GADL1: variants seen among roughly 807,000 people sequenced by gnomAD.
GADL1 encodes acidic amino acid decarboxylase GADL1.
GADL1 carries 71 observed loss-of-function variants against 69.5 expected under a neutral mutation model. That is an observed-to-expected ratio of 1.02 (90% confidence interval 0.84 to 1.25). The LOEUF is 1.25. GADL1 is among the 50% of genes most tolerant of loss of function. The probability of loss-of-function intolerance (pLI) is 0.00; values close to 1 mark genes in which losing one functional copy is unlikely to be tolerated. For synonymous variants in GADL1, 254 were observed against 214.4 expected (o/e 1.18, Z -1.62); for missense variants, 737 against 631.8 (o/e 1.17, Z -1.79).
Position 30,856,153 on chromosome 3 carries a change from T to C in GADL1, c.337+862A>G, listed in dbSNP as rs530548655. Among the ~76,000 whole-genome samples, 23 of 152,192 alleles carry C rather than the reference T, an allele frequency of 1.5e-4. No individual in the cohort carries two copies. The South Asian group carries it at 4.8e-3, about 31-fold the overall frequency. ...AGTTTTTGATACATACACCAGACTT[T>C]CCCAAAGGAATATAATCCAATTATT... On this transcript the variant is annotated intron_variant, in intron 3 of 14. Coordinates refer to ENST00000282538, the MANE Select transcript of GADL1 (RefSeq NM_207359.3).
At position 30,843,154 on chromosome 3, in the gene GADL1, C is replaced by G. The variant is rs552996641; in HGVS notation, c.786+1056G>C. ...TATTGGAAGGTTATTGGAGAACGGT[C>G]TGAAGCTCCATCAGCAGGCAGCGGT... is the stretch of plus-strand genomic sequence containing the variant. On this transcript the variant is annotated intron_variant, in intron 8 of 14. Coordinates refer to ENST00000282538, the MANE Select transcript of GADL1 (RefSeq NM_207359.3). Among the ~76,000 whole-genome samples, 670 of 152,114 alleles carry G rather than the reference C, an allele frequency of 4.4e-3. 5 individuals are homozygous for G. Among genetic ancestry groups the G allele is most frequent in the South Asian group, 0.015 (72 of 4,814 alleles).
At chr3:30,756,485 G>A (rs1396661806) in intron 14 of GADL1, among the ~76,000 whole-genome samples, 1 of 152,172 alleles carries the variant, frequency 6.6e-6, no homozygotes, top group Non-Finnish European at 1.5e-5. Context: ...TGCCTTTGAA[G>A]TTCCTACTAT....
At chr3:30,774,648 AT>A (rs545909762) in intron 14 of GADL1, among the ~76,000 whole-genome samples, 1 of 151,986 alleles carries the variant, frequency 6.6e-6, no homozygotes, top group East Asian at 1.9e-4. Flanking sequence ...AACTTTTCTT[AT>A]AAACTTTCTC....
At chr3:30,824,860 T>C (rs1345266165) in intron 11 of GADL1, among the ~76,000 whole-genome samples, 1 of 151,926 alleles carries the variant, frequency 6.6e-6, no homozygotes, top group Admixed American at 6.6e-5. Context: ...TGTGTGAGAA[T>C]GACCTGTTCA....
chr3:30,781,041 G>A (rs985865799), intron 13 of GADL1, among the ~76,000 whole-genome samples: 18 of 152,124 alleles, frequency 1.2e-4, no homozygotes, highest in African/African-American at 4.3e-4. Flanking sequence ...ATATGTGAAA[G>A]TCTGACTTCT....
intron 11 of GADL1, among the ~76,000 whole-genome samples, chr3:30,823,132 G>A (rs770256581): frequency 4.6e-5 from 7 of 151,904 alleles, no homozygotes; most frequent in Non-Finnish European, 1.0e-4. Flanking sequence ...CACAAGACAG[G>A]GATATAAACT....
At chr3:30,848,827 AAACTCACTAATCAGC>A (rs1183073999) in intron 6 of GADL1, among the ~76,000 whole-genome samples, 1 of 152,186 alleles carries the variant, frequency 6.6e-6, no homozygotes, top group East Asian at 1.9e-4. Flanking sequence ...ACATTTGCCA[AAACTCACTAATCAGC>A]AACTACTGCG....
chr3:30,781,514 G>A (rs1043671605), intron 13 of GADL1, among the ~76,000 whole-genome samples: 1 of 152,164 alleles, frequency 6.6e-6, no homozygotes, highest in Non-Finnish European at 1.5e-5. Context: ...CAAATATAGA[G>A]TGAAGGAAAA....
In GADL1 at chr3:30,869,120, C is replaced by T. The variant is rs535505782; in HGVS notation, c.38-7355G>A. On this transcript the variant is annotated intron_variant, in intron 1 of 14. Coordinates refer to ENST00000282538, the MANE Select transcript of GADL1 (RefSeq NM_207359.3). ...CTCAAGTTGTTAAAAGTCTAGAAAG[C>T]GAATATTTAAGAAACCAGGGCAAAG... Among the ~76,000 whole-genome samples, 21 of 151,514 alleles carry T rather than the reference C, an allele frequency of 1.4e-4. No homozygotes were observed. The South Asian group carries it at 4.0e-3, about 29-fold the overall frequency.
intron 1 of GADL1, among the ~76,000 whole-genome samples, chr3:30,868,329 A>G (rs544252451): frequency 3.4e-4 from 51 of 152,188 alleles, no homozygotes; most frequent in Admixed American, 1.2e-3. Flanking sequence ...GGCATCTCAC[A>G]AAATTCCAGG....
intron 1 of GADL1, among the ~76,000 whole-genome samples, chr3:30,888,315 G>C (rs924165032): frequency 2.6e-5 from 4 of 152,046 alleles, no homozygotes; most frequent in Non-Finnish European, 5.9e-5. Context: ...TCCTCATCTG[G>C]GTGGTGGTTA....
At chr3:30,884,682 A>G (rs1698681152) in intron 1 of GADL1, among the ~76,000 whole-genome samples, 1 of 152,050 alleles carries the variant, frequency 6.6e-6, no homozygotes, top group African/African-American at 2.4e-5. Flanking sequence ...TCCCTTCCTC[A>G]TTATACATTG....
chr3:30,824,256 CACA>C (rs377679893), intron 11 of GADL1, among the ~76,000 whole-genome samples: 27 of 150,474 alleles, frequency 1.8e-4, no homozygotes, highest in African/African-American at 6.1e-4. Flanking sequence ...GATATTTTAA[CACA>C]ACAACAAAAG....
intron 14 of GADL1, among the ~76,000 whole-genome samples, chr3:30,765,366 A>T (rs1696244818): frequency 6.6e-6 from 1 of 152,248 alleles, no homozygotes; most frequent in Non-Finnish European, 1.5e-5. Context: ...AGGTGGGATA[A>T]TGGACAAAGA....
chr3:30,880,573 T>A (rs538280664), intron 1 of GADL1, among the ~76,000 whole-genome samples: 2 of 152,098 alleles, frequency 1.3e-5, no homozygotes, highest in South Asian at 4.1e-4. Context: ...CCCAGCCATG[T>A]GGAATTGTGA....
At chr3:30,853,211 G>C (rs1012760568) in intron 4 of GADL1, among the ~76,000 whole-genome samples, 2 of 152,060 alleles carry the variant, frequency 1.3e-5, no homozygotes, top group Non-Finnish European at 2.9e-5. Context: ...CTGTCCCCTA[G>C]GCAGTGGTTC....
At position 30,754,632 on chromosome 3, in the gene GADL1, C is replaced by CAA. The variant is rs11324385; in HGVS notation, c.1392+23545_1392+23546dup. 3.9e-4 allele frequency among the ~76,000 whole-genome samples: 58 copies of CAA among 149,662 alleles called. 1 individual carries two copies. Among genetic ancestry groups the CAA allele is most frequent in the African/African-American group, 1.0e-3 (43 of 41,232 alleles). On this transcript the variant is annotated intron_variant, in intron 14 of 14. Coordinates refer to ENST00000282538, the MANE Select transcript of GADL1 (RefSeq NM_207359.3). ...GTTGACTGTAAATGAGCCAAGAATA[C>CAA]AAAAAAAAAACTGCCTGTGAAATTA...
intron 1 of GADL1, among the ~76,000 whole-genome samples, chr3:30,873,174 A>G (rs1027660963): frequency 6.6e-6 from 1 of 151,986 alleles, no homozygotes; most frequent in Non-Finnish European, 1.5e-5. Flanking sequence ...GTAGTGTGGC[A>G]TAAATGAAAC....
chr3:30,861,346 T>C (rs773651658), intron 2 of GADL1, among the ~76,000 whole-genome samples: 2 of 151,738 alleles, frequency 1.3e-5, no homozygotes, highest in Non-Finnish European at 2.9e-5. Context: ...CCTTATGTGA[T>C]TAAGCTCTAG....
Sources: allele counts gnomAD v4.1 joint callset (sites outside exome capture counted in the v4.1 genomes callset), GRCh38; gene constraint gnomAD v4.1.1; transcripts MANE v1.5; gene names NCBI Gene and HGNC (gene_info 2026-07-23, HGNC 2026-07-21).